CPLX1: variants seen among roughly 807,000 people sequenced by gnomAD.
The protein encoded by CPLX1 is complexin 1, also known as complexin-1.
In CPLX1, 6 loss-of-function variants were observed where a neutral mutation model predicts 15.6. The observed-to-expected ratio is 0.39, with a 90% CI of 0.21 to 0.76. CPLX1 has a LOEUF of 0.76. Ranked by LOEUF, CPLX1 falls within the 30% of genes least tolerant of loss-of-function variation. CPLX1 has a pLI of 0.43. For missense variants in CPLX1, 242 were observed against 188.6 expected (o/e 1.28, Z -1.66); for synonymous variants, 91 against 75.2 (o/e 1.21, Z -1.08).
At chr4:787,825 C>G (rs1162184468) in intron 3 of CPLX1, 7 of 985,304 alleles carry the variant, frequency 7.1e-6, no homozygotes, top group Non-Finnish European at 8.4e-6. Context: ...TGGTCATGGT[C>G]AGGCCACGGA....
intron 2 of CPLX1, among the ~76,000 whole-genome samples, chr4:811,769 T>C (rs1746669034): frequency 6.6e-6 from 1 of 152,226 alleles, no homozygotes; most frequent in Non-Finnish European, 1.5e-5. Flanking sequence ...GTCCTGTCTG[T>C]CCTTCCTGCT....
At chr4:795,799 A>AGG (rs1263218228) in intron 2 of CPLX1, among the ~76,000 whole-genome samples, 1 of 66,312 alleles carries the variant, frequency 1.5e-5, no homozygotes, top group African/African-American at 6.9e-5. Flanking sequence ...CCGGGTGGAG[A>AGG]GGGGGTGGGG....
At chr4:798,092 T>C (rs1205349748) in intron 2 of CPLX1, among the ~76,000 whole-genome samples, 1 of 151,930 alleles carries the variant, frequency 6.6e-6, no homozygotes, top group African/African-American at 2.4e-5. Flanking sequence ...CTGATGGACA[T>C]GGTGAAACCC....
chr4:824,477 C>T lies in CPLX1; in HGVS notation c.31+15G>A. 4 of 1,611,524 alleles carry T rather than the reference C, an allele frequency of 2.5e-6. No homozygotes were observed. The highest frequency in any genetic ancestry group is 3.4e-6 in the Non-Finnish European group (4 of 1,178,614). ...GTCCCCTCAGCCCCTCCCCACCCCA[C>T]CTCCCGCTTCCTACCTCCTAGAGCC... On this transcript the variant is annotated intron_variant, in intron 2 of 3. Transcript: ENST00000304062.
intron 3 of CPLX1, chr4:788,600 C>G (rs1746073281): frequency 1.0e-6 from 1 of 985,314 alleles, no homozygotes; most frequent in Admixed American, 6.1e-5. Context: ...AGCCCTGACC[C>G]TGTGGGGCAG....
intron 2 of CPLX1, chr4:792,816 G>A: frequency 3.6e-6 from 2 of 554,876 alleles, no homozygotes; most frequent in Non-Finnish European, 6.3e-6. Context: ...AGTGTGCTGG[G>A]GTCTCCTGCT....
At chr4:806,036 A>G (rs1746550383) in intron 2 of CPLX1, among the ~76,000 whole-genome samples, 1 of 152,208 alleles carries the variant, frequency 6.6e-6, no homozygotes, top group Non-Finnish European at 1.5e-5. Context: ...TGTTAGTTGC[A>G]CAACATTGTG....
rs372276681 is a variant in CPLX1 at position 824,590 on chromosome 4, C to T, written c.-68G>A. ...ACTCACACGCAAGTATGGCCGGGAG[C>T]GAGTGTTCTTCCTGGGGGAGAGTGA... On this transcript the variant is annotated 5_prime_UTR_variant, in exon 2 of 4. Coordinates refer to ENST00000304062, the MANE Select transcript of CPLX1 (RefSeq NM_006651.4). 127 of 1,553,162 alleles carry T rather than the reference C, an allele frequency of 8.2e-5. 2 individuals are homozygous for T. The African/African-American group carries it at 1.3e-3, about 16-fold the overall frequency.
At chr4:813,282 A>G (rs1169264649) in intron 2 of CPLX1, among the ~76,000 whole-genome samples, 2 of 151,030 alleles carry the variant, frequency 1.3e-5, no homozygotes, top group Admixed American at 6.6e-5. Flanking sequence ...AAAAAAAAAA[A>G]AGAGAAAGTG....
chr4:807,260 T>C (rs1475100003), intron 2 of CPLX1, among the ~76,000 whole-genome samples: 1 of 152,122 alleles, frequency 6.6e-6, no homozygotes, highest in Non-Finnish European at 1.5e-5. Flanking sequence ...CACTCGTAAG[T>C]GGGAGTTGAA....
intron 2 of CPLX1, among the ~76,000 whole-genome samples, chr4:812,017 C>T (rs1746672893): frequency 6.6e-6 from 1 of 152,102 alleles, no homozygotes; most frequent in Non-Finnish European, 1.5e-5. Context: ...TATAGCCACT[C>T]AAGTTTTCTT....
chr4:808,467 A>T (rs950276145), intron 2 of CPLX1, among the ~76,000 whole-genome samples: 1 of 152,176 alleles, frequency 6.6e-6, no homozygotes, highest in African/African-American at 2.4e-5. Flanking sequence ...ACACAGCAAA[A>T]AACACCTCAC....
In CPLX1 at chr4:816,659, T is replaced by TA. The variant is rs1233180226; in HGVS notation, c.31+7832dup. Among the ~76,000 whole-genome samples the TA allele has an allele frequency of 2.3e-3, 339 of 146,452 alleles. 2 individuals are homozygous for TA. Among genetic ancestry groups the TA allele is most frequent in the African/African-American group, 3.6e-3 (144 of 40,150 alleles). Reference sequence around the variant, plus strand: ...TGGGAAACATGGTGGGACCCTGTCTTAAAAAAAAAAAAATTAGCCAAGTGT... The same window carrying TA: ...TGGGAAACATGGTGGGACCCTGTCTTAAAAAAAAAAAAAATTAGCCAAGTGT... On this transcript the variant is annotated intron_variant, in intron 2 of 3. Transcript: ENST00000304062.
At chr4:819,915 C>T (rs541984826) in intron 2 of CPLX1, among the ~76,000 whole-genome samples, 3 of 152,344 alleles carry the variant, frequency 2.0e-5, no homozygotes, top group East Asian at 3.9e-4. Context: ...GAAGGTGGCA[C>T]CTGATGGCAC....
chr4:792,751 G>C, intron 2 of CPLX1, 143 bp from the exon 3 acceptor site: 1 of 834,030 alleles, frequency 1.2e-6, no homozygotes, highest in South Asian at 1.8e-5. Flanking sequence ...CCACCCTCCA[G>C]CCGCTCCTCC....
At chr4:788,850 G>C (rs1746081465) in intron 3 of CPLX1, among the ~76,000 whole-genome samples, 1 of 152,230 alleles carries the variant, frequency 6.6e-6, no homozygotes, top group South Asian at 2.1e-4. Flanking sequence ...CACAGCAAAA[G>C]CACTCAGGAA....
intron 1 of CPLX1, 122 bp from the exon 2 acceptor site, chr4:824,723 T>C (rs773124150): frequency 7.2e-5 from 51 of 707,402 alleles, no homozygotes; most frequent in Non-Finnish European, 1.1e-4. Context: ...CTGGAGCGGC[T>C]GCCTGGGAAG....
intron 1 of CPLX1, among the ~76,000 whole-genome samples, chr4:825,212 G>T (rs1746955218): frequency 6.6e-6 from 1 of 152,004 alleles, no homozygotes; most frequent in Non-Finnish European, 1.5e-5. Context: ...CCCCGGGGGC[G>T]TGCATGGGGT....
At chr4:803,665 G>A (rs1166152276) in intron 2 of CPLX1, among the ~76,000 whole-genome samples, 1 of 152,080 alleles carries the variant, frequency 6.6e-6, no homozygotes, top group Non-Finnish European at 1.5e-5. Flanking sequence ...GATTACAGGC[G>A]TGAGCCACCG....
Sources: gnomAD v4.1 joint callset for allele counts (sites outside exome capture counted in the v4.1 genomes callset) on GRCh38, gnomAD v4.1.1 for gene constraint, MANE v1.5 for transcripts, NCBI Gene and HGNC (gene_info 2026-07-23, HGNC 2026-07-21) for gene names.